Variants in CD96 observed in about 807,000 individuals in gnomAD.
CD96 encodes the protein T-cell surface protein tactile.
Under a neutral mutation model 71.3 loss-of-function variants are expected in CD96, and 70 were observed. That is an observed-to-expected ratio of 0.98 (90% confidence interval 0.81 to 1.20). The LOEUF is 1.20. Ranked by LOEUF, CD96 falls within the 50% of genes most tolerant of loss-of-function variation. The pLI, the probability that CD96 is intolerant of heterozygous loss-of-function variation, is 0.00. For missense variants in CD96, 742 were observed against 677.5 expected, an observed-to-expected ratio of 1.10 and a Z score of -1.06; for synonymous variants, 248 against 233.0, an observed-to-expected ratio of 1.06 and a Z score of -0.59.
chr3:111,563,704 G>A (rs1014681633), intron 2 of CD96, among the ~76,000 whole-genome samples: 10 of 151,916 alleles, frequency 6.6e-5, no homozygotes, highest in Non-Finnish European at 1.0e-4. Context: ...TATTTATATT[G>A]TATCTTTATT....
intron 8 of CD96, among the ~76,000 whole-genome samples, chr3:111,607,383 T>C (rs994317291): frequency 6.6e-6 from 1 of 152,158 alleles, no homozygotes; most frequent in African/African-American, 2.4e-5. Context: ...AGCCCTCCCA[T>C]CTGAGGCATC....
At chr3:111,593,162 C>CCG in intron 5 of CD96, 3 of 167,154 alleles carry the variant, frequency 1.8e-5, no homozygotes, top group South Asian at 1.8e-4. Flanking sequence ...CACATTCCAG[C>CCG]TACCTAACCA....
chr3:111,579,182 T>C lies in CD96; in HGVS notation c.699T>C (p.Ile233=), dbSNP rs775040893. 6.2e-6 allele frequency: 10 copies of C among 1,612,026 alleles called. No individual in the cohort carries two copies. Among genetic ancestry groups the C allele is most frequent in the Admixed American group, 3.3e-5 (2 of 60,010 alleles). ...FDDGRKFSCH[I]RVGPNKILRS... The stretch of plus-strand genomic sequence containing the variant: ...ATGGGCGGAAGTTCTCTTGCCACAT[T>C]AGAGTCGGTCCTAACAAAATCTTGA... The change falls in exon 4 of 14, where the codon ATT becomes ATC. Residue 233 remains isoleucine (I), a synonymous_variant. Transcript: ENST00000352690.
rs1396015765 is a variant in CD96 at position 111,547,146 on chromosome 3, T to G, written c.418+1744T>G. Among the ~76,000 whole-genome samples, 9 of 152,202 alleles carry G rather than the reference T, an allele frequency of 5.9e-5. 1 individual carries two copies. Among genetic ancestry groups the G allele is most frequent in the Admixed American group, 3.9e-4 (6 of 15,270 alleles). ...AACAAATATGGATAATTATAGTGCT[T>G]TCTTTACAGGTATCACTAGCTTGGT... On this transcript the variant is annotated intron_variant, in intron 2 of 13. Transcript: ENST00000352690.
At position 111,579,100 on chromosome 3, in the gene CD96, G is replaced by C. The variant is rs751541121; in HGVS notation, c.617G>C (p.Arg206Thr). Residue 206 changes from arginine (R) to threonine (T), a missense_variant, in exon 4 of 14, where the codon AGA becomes ACA. Coordinates refer to ENST00000352690, the MANE Select transcript of CD96 (RefSeq NM_005816.5). ...AGCAATTCCACATTACTTAAAGATA[G>C]AGTCAAGCTTGGTACAGACTACAGA... ...LISNSTLLKD[R>T]VKLGTDYRLH... is the part of the protein sequence containing the mutation. 2 of 1,606,032 alleles carry C rather than the reference G, an allele frequency of 1.2e-6. No individual in the cohort carries two copies. Among genetic ancestry groups the C allele is most frequent in the South Asian group, 2.2e-5 (2 of 90,924 alleles).
intron 5 of CD96, among the ~76,000 whole-genome samples, chr3:111,596,166 A>AT (rs1559745552): frequency 6.6e-6 from 1 of 151,772 alleles, no homozygotes; most frequent in East Asian, 1.9e-4. Context: ...TGTCTCAAAA[A>AT]AATAAATAAA....
At chr3:111,595,752 G>A (rs989796466) in intron 5 of CD96, among the ~76,000 whole-genome samples, 2 of 151,270 alleles carry the variant, frequency 1.3e-5, no homozygotes, top group Middle Eastern at 3.2e-3. Context: ...ATATATATAT[G>A]TGTGTGTATA....
intron 10 of CD96, among the ~76,000 whole-genome samples, chr3:111,626,306 C>CAAAAAAAA (rs71131971): frequency 4.4e-4 from 33 of 74,664 alleles, no homozygotes; most frequent in Non-Finnish European, 6.3e-4. Flanking sequence ...GACTCCGTCT[C>CAAAAAAAA]AAAAAAAAAA....
At position 111,587,033 on chromosome 3, in the gene CD96, T is replaced by G. The variant is rs114842306; in HGVS notation, c.807+1655T>G. On this transcript the variant is annotated intron_variant, in intron 5 of 13. Coordinates refer to ENST00000352690, the MANE Select transcript of CD96 (RefSeq NM_005816.5). ...CCTGTAAAATCAAAAGCATGTTAGT[T>G]ACATCCTAGATACAATGGAGTACAG... Among the ~76,000 whole-genome samples the G allele has an allele frequency of 9.7e-3, 1,469 of 152,182 alleles. 24 individuals carry two copies. The highest frequency in any genetic ancestry group is 0.034 in the African/African-American group (1,396 of 41,490).
chr3:111,618,542 A>C (rs953249963), intron 8 of CD96, among the ~76,000 whole-genome samples: 43 of 151,840 alleles, frequency 2.8e-4, no homozygotes, highest in Non-Finnish European at 5.0e-4. Flanking sequence ...GTAATTTTTA[A>C]TTCCTTGAAG....
chr3:111,555,956 A>T (rs1468741583), intron 2 of CD96, among the ~76,000 whole-genome samples: 3 of 152,276 alleles, frequency 2.0e-5, no homozygotes, highest in Non-Finnish European at 4.4e-5. Flanking sequence ...CATTTCTTTC[A>T]ATCCTTTTTC....
At chr3:111,646,734 A>G (rs1939846097) in intron 12 of CD96, among the ~76,000 whole-genome samples, 1 of 152,126 alleles carries the variant, frequency 6.6e-6, no homozygotes, top group African/African-American at 2.4e-5. Context: ...CCAAAGGAAT[A>G]TAAATTGTTC....
intron 8 of CD96, among the ~76,000 whole-genome samples, chr3:111,608,223 C>A (rs1017234698): frequency 4.2e-5 from 6 of 144,202 alleles, no homozygotes; most frequent in African/African-American, 1.5e-4. Context: ...GCTCTGCATA[C>A]AATATGGCAG....
chr3:111,644,811 A>G (rs1028468374), intron 12 of CD96, among the ~76,000 whole-genome samples: 3 of 152,244 alleles, frequency 2.0e-5, no homozygotes, highest in African/African-American at 4.8e-5. Flanking sequence ...TCAAAATGAC[A>G]ATGCGATACC....
In CD96 at chr3:111,598,351, T is replaced by A. The variant is rs1937350627; in HGVS notation, c.898+141T>A. 3 of 659,998 alleles carry A rather than the reference T, an allele frequency of 4.5e-6. No individual in the cohort carries two copies. The African/African-American group carries it at 5.4e-5, about 12-fold the overall frequency. 40.9% of individuals were successfully genotyped at this position (659,998 alleles called of 1,614,324 possible). A position where few individuals can be genotyped will look rare whatever the true frequency, so the allele number is the denominator to read the frequency against. On this transcript the variant is annotated intron_variant, in intron 6 of 13. Coordinates refer to ENST00000352690, the MANE Select transcript of CD96 (RefSeq NM_005816.5). ...GAAAAACATCATTCTGCCTACCAAATGTCATTTTCTGATGCTTCATCTGTT... is the reference window on the plus strand; with the variant it reads ...GAAAAACATCATTCTGCCTACCAAAAGTCATTTTCTGATGCTTCATCTGTT...
chr3:111,586,240 A>G (rs1936707952), intron 5 of CD96, among the ~76,000 whole-genome samples: 1 of 152,204 alleles, frequency 6.6e-6, no homozygotes, highest in Non-Finnish European at 1.5e-5. Flanking sequence ...CCCTAAGTAA[A>G]AAATATACTC....
intron 2 of CD96, among the ~76,000 whole-genome samples, chr3:111,554,804 A>G (rs1934905138): frequency 6.6e-6 from 1 of 152,032 alleles, no homozygotes; most frequent in Admixed American, 6.6e-5. Flanking sequence ...TGTAATATAT[A>G]ATGAAATAAT....
intron 8 of CD96, among the ~76,000 whole-genome samples, chr3:111,609,216 G>T (rs182013344): frequency 6.6e-6 from 1 of 152,184 alleles, no homozygotes; most frequent in Non-Finnish European, 1.5e-5. Context: ...GATCAAAGAG[G>T]TGGTATTGTG....
rs968927652 is a variant in CD96 at position 111,646,544 on chromosome 3, A to G, written c.1478-999A>G. Among the ~76,000 whole-genome samples the G allele has an allele frequency of 2.0e-5, 3 of 152,064 alleles. No individual in the cohort carries two copies. In the East Asian group the frequency reaches 5.8e-4, roughly 29 times the overall value. ...AGAATGGCTATTACTGAAAAGTAAA[A>G]AAAAAAAAAGAAGAAGAAACTGATG... On this transcript the variant is annotated intron_variant, in intron 12 of 13. Coordinates refer to ENST00000352690, the MANE Select transcript of CD96 (RefSeq NM_005816.5).
Sources: gnomAD v4.1 joint callset for allele counts (sites outside exome capture counted in the v4.1 genomes callset) on GRCh38, gnomAD v4.1.1 for gene constraint, MANE v1.5 for transcripts, NCBI Gene and HGNC (gene_info 2026-07-23, HGNC 2026-07-21) for gene names.